Variants in SINHCAF observed in about 807,000 individuals in gnomAD.
The protein encoded by SINHCAF is SIN3-HDAC complex associated factor.
A neutral mutation model predicts 25.8 loss-of-function variants in SINHCAF; 3 were observed. The ratio of observed to expected loss-of-function variants is 0.12; its 90% CI spans 0.05 to 0.30. SINHCAF has a LOEUF of 0.30. Among genes scored for constraint, SINHCAF ranks in the 10% least tolerant of loss-of-function variants. The pLI is 1.00. For synonymous variants in SINHCAF, 70 were observed against 85.5 expected, an observed-to-expected ratio of 0.82 and a Z score of 1.00; for missense variants, 121 against 262.3, an observed-to-expected ratio of 0.46 and a Z score of 3.72.
chr12:31,306,176 C>A (rs1939019214), intron 1 of SINHCAF, among the ~76,000 whole-genome samples: 1 of 152,112 alleles, frequency 6.6e-6, no homozygotes, highest in African/African-American at 2.4e-5. Flanking sequence ...CATATCATTA[C>A]CAATACATAT....
chr12:31,296,994 C>A (rs1348561518), intron 2 of SINHCAF: 2 of 442,364 alleles, frequency 4.5e-6, no homozygotes, highest in Non-Finnish European at 9.1e-6. Flanking sequence ...ATGATCACAC[C>A]TGTGAATAGC....
chr12:31,311,963 G>A, intron 1 of SINHCAF: 2 of 669,504 alleles, frequency 3.0e-6, no homozygotes, highest in Non-Finnish European at 5.3e-6. Flanking sequence ...GGGTGCCCCT[G>A]ATACTTTGTT....
At chr12:31,299,321 T>TTATTA (rs1274495633) in intron 1 of SINHCAF, among the ~76,000 whole-genome samples, 3 of 139,170 alleles carry the variant, frequency 2.2e-5, no homozygotes, top group African/African-American at 8.8e-5. Flanking sequence ...AAGAAAAAAA[T>TTATTA]TTTTTTTTTT....
chr12:31,310,868 ATCT>A (rs1290284841), intron 1 of SINHCAF, among the ~76,000 whole-genome samples: 1 of 147,624 alleles, frequency 6.8e-6, no homozygotes, highest in Non-Finnish European at 1.5e-5. Context: ...CTAATCTACG[ATCT>A]TTTTTTTTTT....
Position 31,325,055 on chromosome 12 carries a change from A to C in SINHCAF, c.-21+969T>G. On this transcript the variant is annotated intron_variant, in intron 1 of 5. Coordinates refer to ENST00000337682, the MANE Select transcript of SINHCAF (RefSeq NM_001135812.2). This position sits in a 1 kb window ranked among gnomAD's most constrained non-coding sequence, Gnocchi z 5.9. Reference sequence around the variant, plus strand: ...CCGAAGCACGTGGTCTGTCACGTAGAGCACAAAAAGCAGTGCCCTGCGGAG... The same window carrying C: ...CCGAAGCACGTGGTCTGTCACGTAGCGCACAAAAAGCAGTGCCCTGCGGAG... 2.2e-6 allele frequency: 1 copy of C among 456,816 alleles called. No homozygotes were observed. Among genetic ancestry groups the C allele is most frequent in the South Asian group, 1.5e-5 (1 of 64,568 alleles). The allele number at this position is 456,816 out of a possible 1,614,324, so 28.3% of individuals were successfully genotyped here.
intron 3 of SINHCAF, among the ~76,000 whole-genome samples, chr12:31,294,793 C>G (rs1014933129): frequency 2.6e-5 from 4 of 152,196 alleles, no homozygotes; most frequent in African/African-American, 9.7e-5. Context: ...TATCTTTGCA[C>G]TTCATGAATA....
intron 1 of SINHCAF, among the ~76,000 whole-genome samples, chr12:31,308,605 AAGG>A (rs1485229725): frequency 6.6e-6 from 1 of 152,094 alleles, no homozygotes; most frequent in African/African-American, 2.4e-5. Flanking sequence ...TGTCAGAGCA[AAGG>A]AGGAGGTATG....
intron 4 of SINHCAF, among the ~76,000 whole-genome samples, chr12:31,293,318 T>C (rs2137083371): frequency 6.6e-6 from 1 of 152,332 alleles, no homozygotes; most frequent in Admixed American, 6.5e-5. Context: ...CATTCCTTTC[T>C]CATTCTATCA....
At chr12:31,290,352 G>A (rs1001298061) in intron 4 of SINHCAF, among the ~76,000 whole-genome samples, 1 of 151,912 alleles carries the variant, frequency 6.6e-6, no homozygotes, top group Non-Finnish European at 1.5e-5. Context: ...ATGTTTGCCA[G>A]GCTGGTCTTG....
rs560316413 is a variant in SINHCAF at position 31,289,804 on chromosome 12, T to G, written c.356-2020A>C. Reference sequence around the variant, plus strand: ...AACAGACTAAAGAAAATTTGGGTTTTTTTTTTTTTTTAATTATTTTTATCT... The same window carrying G: ...AACAGACTAAAGAAAATTTGGGTTTGTTTTTTTTTTTAATTATTTTTATCT... On this transcript the variant is annotated intron_variant, in intron 4 of 5. Transcript: ENST00000337682. Among the ~76,000 whole-genome samples, 1,471 of 151,942 alleles carry G rather than the reference T, an allele frequency of 9.7e-3. 26 individuals carry two copies. The highest frequency in any genetic ancestry group is 0.033 in the African/African-American group (1,380 of 41,412).
chr12:31,300,455 T>C (rs1938742322), intron 1 of SINHCAF, among the ~76,000 whole-genome samples: 1 of 152,204 alleles, frequency 6.6e-6, no homozygotes, highest in African/African-American at 2.4e-5. Flanking sequence ...CATTTTTAGT[T>C]GATAATAATT....
chr12:31,300,739 T>C (rs762038874), intron 1 of SINHCAF, among the ~76,000 whole-genome samples: 30 of 152,156 alleles, frequency 2.0e-4, no homozygotes, highest in Non-Finnish European at 3.2e-4. Flanking sequence ...ATTCCTGTTT[T>C]AAGGCAAAAT....
At chr12:31,283,955 C>T (rs139922446) in intron 5 of SINHCAF, among the ~76,000 whole-genome samples, 1 of 151,498 alleles carries the variant, frequency 6.6e-6, no homozygotes, top group African/African-American at 2.4e-5. Flanking sequence ...TGTTATAGAG[C>T]TTTATTTCAT....
chr12:31,285,696 C>T (rs1300981193), intron 5 of SINHCAF, among the ~76,000 whole-genome samples: 2 of 152,022 alleles, frequency 1.3e-5, no homozygotes, highest in Non-Finnish European at 2.9e-5. Context: ...CTAAATAAGG[C>T]CAGGTGCAGT....
At chr12:31,292,154 C>T (rs941916247) in intron 4 of SINHCAF, among the ~76,000 whole-genome samples, 48 of 152,216 alleles carry the variant, frequency 3.2e-4, no homozygotes, top group African/African-American at 1.0e-3. Flanking sequence ...ATAATCAGTT[C>T]CTCGGCCTTC....
intron 1 of SINHCAF, among the ~76,000 whole-genome samples, chr12:31,302,302 T>C (rs1938830382): frequency 6.6e-6 from 1 of 152,104 alleles, no homozygotes; most frequent in African/African-American, 2.4e-5. Context: ...TAAAAGCCAC[T>C]GAATTGTACA....
At chr12:31,290,020 G>C (rs188655663) in intron 4 of SINHCAF, among the ~76,000 whole-genome samples, 1 of 151,982 alleles carries the variant, frequency 6.6e-6, no homozygotes, top group Non-Finnish European at 1.5e-5. Flanking sequence ...GCAGAGACAA[G>C]GTCTCGTTAT....
chr12:31,325,406 A>G lies in SINHCAF; in HGVS notation c.-21+618T>C. On this transcript the variant is annotated intron_variant, in intron 1 of 5. Transcript: ENST00000337682. The surrounding 1 kb of genome is among the most constrained non-coding windows in gnomAD (Gnocchi z 5.9). The stretch of plus-strand genomic sequence containing the variant: ...CGCCACGCCGCGTGCGCTCCGGCAG[A>G]GCCCAGCACTGACCCCCAAAGGCCG... 2.8e-6 allele frequency: 1 copy of G among 356,732 alleles called. No individual in the cohort carries two copies. The highest frequency in any genetic ancestry group is 5.6e-6 in the Non-Finnish European group (1 of 178,590). The allele number at this position is 356,732 out of a possible 1,614,324, so 22.1% of individuals were successfully genotyped here.
At position 31,306,507 on chromosome 12, in the gene SINHCAF, C is replaced by G. The variant is rs569973641; in HGVS notation, c.-20-8283G>C. 2.6e-4 allele frequency among the ~76,000 whole-genome samples: 39 copies of G among 152,258 alleles called. 1 individual carries two copies. The highest frequency in any genetic ancestry group is 5.9e-4 in the Admixed American group (9 of 15,290). Reference sequence around the variant, plus strand: ...TTCAGTTTGCGGGAAAAGTACCCCCCCCTTTTGTTTCCAGGTAGATCTTTC... The same window carrying G: ...TTCAGTTTGCGGGAAAAGTACCCCCGCCTTTTGTTTCCAGGTAGATCTTTC... On this transcript the variant is annotated intron_variant, in intron 1 of 5. Coordinates refer to ENST00000337682, the MANE Select transcript of SINHCAF (RefSeq NM_001135812.2).
Sources: allele counts gnomAD v4.1 joint callset (sites outside exome capture counted in the v4.1 genomes callset), GRCh38; gene constraint gnomAD v4.1.1; non-coding constraint Gnocchi (gnomAD v3.1); transcripts MANE v1.5; gene names NCBI Gene and HGNC (gene_info 2026-07-23, HGNC 2026-07-21).